Variants in MAML2 observed in about 807,000 individuals in gnomAD.
The protein encoded by MAML2 is mastermind-like protein 2.
A neutral mutation model predicts 96.1 loss-of-function variants in MAML2; 22 were observed. That is an observed-to-expected ratio of 0.23 (90% CI 0.16 to 0.33). The LOEUF (loss-of-function observed/expected upper bound fraction) is 0.33, where lower values mean the gene tolerates loss of function less well. Ranked by LOEUF, MAML2 falls within the 10% of genes least tolerant of loss-of-function variation. The pLI is 1.00. For missense variants in MAML2, 1,367 were observed against 1,392.4 expected, an observed-to-expected ratio of 0.98 and a Z score of 0.29; for synonymous variants, 561 against 521.3, an observed-to-expected ratio of 1.08 and a Z score of -1.04.
intron 1 of MAML2, among the ~76,000 whole-genome samples, chr11:96,325,281 AC>A (rs1863760422): frequency 6.6e-6 from 1 of 152,166 alleles, no homozygotes; most frequent in Non-Finnish European, 1.5e-5. Context: ...ACTGATGCTT[AC>A]TAGTGGAGTT....
intron 2 of MAML2, among the ~76,000 whole-genome samples, chr11:96,006,916 C>A (rs1053531879): frequency 2.1e-5 from 3 of 145,926 alleles, no homozygotes; most frequent in African/African-American, 7.6e-5. Context: ...CACACACACA[C>A]GAGTATTTTA....
At chr11:96,337,606 C>A (rs1391921563) in intron 1 of MAML2, among the ~76,000 whole-genome samples, 1 of 152,142 alleles carries the variant, frequency 6.6e-6, no homozygotes, top group Non-Finnish European at 1.5e-5. Flanking sequence ...TTTCCTGGGA[C>A]CTTCAGGAAC....
chr11:96,104,372 C>T (rs1353066321), intron 1 of MAML2, among the ~76,000 whole-genome samples: 1 of 152,194 alleles, frequency 6.6e-6, no homozygotes, highest in Non-Finnish European at 1.5e-5. Flanking sequence ...AAATTTTTCT[C>T]TTCTACTTTG....
At chr11:96,099,220 G>C (rs551637016) in intron 1 of MAML2, among the ~76,000 whole-genome samples, 9 of 152,238 alleles carry the variant, frequency 5.9e-5, no homozygotes, top group Non-Finnish European at 1.2e-4. Flanking sequence ...TAGGACTGGG[G>C]ATAGATAACA....
chr11:95,986,027 C>T (rs1403985509), intron 3 of MAML2, among the ~76,000 whole-genome samples: 1 of 152,154 alleles, frequency 6.6e-6, no homozygotes, highest in Non-Finnish European at 1.5e-5. Flanking sequence ...CAAACACCCC[C>T]CTCTCTTGTT....
intron 1 of MAML2, among the ~76,000 whole-genome samples, chr11:96,153,951 A>G (rs1415400996): frequency 6.6e-5 from 10 of 151,344 alleles, no homozygotes. Flanking sequence ...ATAAATAAAT[A>G]TGATAAAACA....
chr11:96,181,787 T>C (rs1366161375), intron 1 of MAML2, among the ~76,000 whole-genome samples: 5 of 31,572 alleles, frequency 1.6e-4, no homozygotes, highest in East Asian at 2.4e-3. Context: ...CTGAAGATAC[T>C]GAGTATGCTT....
At chr11:96,077,907 C>T (rs912432953) in intron 2 of MAML2, among the ~76,000 whole-genome samples, 2 of 152,198 alleles carry the variant, frequency 1.3e-5, no homozygotes, top group Non-Finnish European at 1.5e-5. Flanking sequence ...GGCATTTGGG[C>T]AGTACCTACA....
chr11:96,034,156 G>A (rs192079167), intron 2 of MAML2, among the ~76,000 whole-genome samples: 1 of 152,254 alleles, frequency 6.6e-6, no homozygotes, highest in African/African-American at 2.4e-5. Flanking sequence ...TGAGGTTTTA[G>A]TTGTAATAAT....
rs371921984 is a variant in MAML2 at position 96,034,432 on chromosome 11, T to TGAGA, written c.2140-42713_2140-42710dup. On this transcript the variant is annotated intron_variant, in intron 2 of 4. Transcript: ENST00000524717. ...AAGTGTGTGTGTGTGTGTGTGTGTGTGAGAGAGAGAGAGAGAGAGAGAGAG... is the reference window on the plus strand; with the variant it reads ...AAGTGTGTGTGTGTGTGTGTGTGTGTGAGAGAGAGAGAGAGAGAGAGAGAGAGAG... 3.1e-3 allele frequency among the ~76,000 whole-genome samples: 414 copies of TGAGA among 135,728 alleles called. 6 individuals are homozygous for TGAGA. Among genetic ancestry groups the TGAGA allele is most frequent in the Admixed American group, 0.022 (293 of 13,594 alleles). 89.0% of individuals were successfully genotyped at this position (135,728 alleles called of 152,430 possible). A position where few individuals can be genotyped will look rare whatever the true frequency, so the allele number is the denominator to read the frequency against.
In MAML2 at chr11:96,085,819, T is replaced by C. The variant is rs555263328; in HGVS notation, c.2139+6073A>G. Among the ~76,000 whole-genome samples the C allele has an allele frequency of 3.9e-5, 6 of 152,328 alleles. No homozygotes were observed. In the South Asian group the frequency reaches 1.2e-3, roughly 32 times the overall value. Reference sequence around the variant, plus strand: ...GATCCCAAGGCTAACATGTTCTTCTTGTTATTGTGTTCATTTCTTTATGGA... The same window carrying C: ...GATCCCAAGGCTAACATGTTCTTCTCGTTATTGTGTTCATTTCTTTATGGA... On this transcript the variant is annotated intron_variant, in intron 2 of 4. Transcript: ENST00000524717.
intron 2 of MAML2, among the ~76,000 whole-genome samples, chr11:96,055,501 T>C (rs980663847): frequency 2.0e-5 from 3 of 152,208 alleles, no homozygotes; most frequent in Admixed American, 6.5e-5. Flanking sequence ...ATAGTTACCA[T>C]ACAGAGCCTT....
intron 1 of MAML2, among the ~76,000 whole-genome samples, chr11:96,151,765 T>C (rs983340210): frequency 3.9e-5 from 6 of 152,228 alleles, no homozygotes; most frequent in Non-Finnish European, 7.3e-5. Flanking sequence ...GATGCTGCCA[T>C]GCTTCCTGTA....
intron 2 of MAML2, among the ~76,000 whole-genome samples, chr11:96,077,161 T>C (rs1859453730): frequency 6.6e-6 from 1 of 151,810 alleles, no homozygotes; most frequent in South Asian, 2.1e-4. Flanking sequence ...GGCTCAAATT[T>C]CCTTTTATTT....
At chr11:96,203,579 A>G (rs1212490453) in intron 1 of MAML2, among the ~76,000 whole-genome samples, 1 of 152,260 alleles carries the variant, frequency 6.6e-6, no homozygotes, top group Non-Finnish European at 1.5e-5. Flanking sequence ...TAAAAGAAAA[A>G]CATAGTATCC....
chr11:96,110,680 T>A (rs1167948310), intron 1 of MAML2, among the ~76,000 whole-genome samples: 1 of 127,910 alleles, frequency 7.8e-6, no homozygotes, highest in Non-Finnish European at 1.7e-5. Flanking sequence ...TCCAAATAAA[T>A]ATACGTATAT....
intron 1 of MAML2, among the ~76,000 whole-genome samples, chr11:96,190,666 C>A (rs2135920532): frequency 6.6e-6 from 1 of 152,308 alleles, no homozygotes; most frequent in Middle Eastern, 3.4e-3. Context: ...CAAACTGAAA[C>A]TATGAGCCAG....
chr11:96,195,840 A>C (rs560905414), intron 1 of MAML2, among the ~76,000 whole-genome samples: 4 of 152,350 alleles, frequency 2.6e-5, no homozygotes, highest in African/African-American at 9.6e-5. Flanking sequence ...TGTAGCAAAA[A>C]CGACATGTTC....
intron 1 of MAML2, among the ~76,000 whole-genome samples, chr11:96,212,213 A>G (rs1181603731): frequency 6.6e-6 from 1 of 151,784 alleles, no homozygotes; most frequent in East Asian, 1.9e-4. Flanking sequence ...GGAAACAGGC[A>G]GAGATATTCA....
Sources: gnomAD v4.1 joint callset for allele counts (sites outside exome capture counted in the v4.1 genomes callset) on GRCh38, gnomAD v4.1.1 for gene constraint, MANE v1.5 for transcripts, NCBI Gene and HGNC (gene_info 2026-07-23, HGNC 2026-07-21) for gene names.